Variants in MNAT1 observed in about 807,000 individuals in gnomAD.
The protein encoded by MNAT1 is CDK-activating kinase assembly factor MAT1.
MNAT1 carries 43 observed loss-of-function variants against 42.0 expected under a neutral mutation model. The observed-to-expected ratio is 1.02, with a 90% confidence interval of 0.80 to 1.32. MNAT1 has a LOEUF of 1.32. Ranked by LOEUF, MNAT1 falls within the 40% of genes most tolerant of loss-of-function variation. MNAT1 has a pLI of 0.00. For missense variants in MNAT1, 306 were observed against 350.4 expected (o/e 0.87, Z 1.01); for synonymous variants, 118 against 120.0 (o/e 0.98, Z 0.11).
intron 7 of MNAT1, among the ~76,000 whole-genome samples, chr14:60,955,166 GTTCTT>G (rs2036461423): frequency 6.6e-6 from 1 of 152,068 alleles, no homozygotes; most frequent in African/African-American, 2.4e-5. Context: ...GACTGTAATA[GTTCTT>G]TTCTTTAATA....
At chr14:60,912,976 A>C (rs2035412179) in intron 7 of MNAT1, among the ~76,000 whole-genome samples, 1 of 152,102 alleles carries the variant, frequency 6.6e-6, no homozygotes, top group Admixed American at 6.6e-5. Flanking sequence ...TTAGATGTAC[A>C]TTTGGTCTTT....
intron 7 of MNAT1, among the ~76,000 whole-genome samples, chr14:60,957,416 A>G (rs2036505808): frequency 6.6e-6 from 1 of 152,196 alleles, no homozygotes; most frequent in African/African-American, 2.4e-5. Context: ...CTTACATGGC[A>G]GAAGGCAAGA....
chr14:60,847,021 G>C (rs1395950139), intron 6 of MNAT1, among the ~76,000 whole-genome samples: 3 of 151,876 alleles, frequency 2.0e-5, no homozygotes, highest in African/African-American at 7.3e-5. Flanking sequence ...GACTCCTTTT[G>C]TATGTTTATA....
chr14:60,888,352 T>A (rs1181768273), intron 7 of MNAT1, among the ~76,000 whole-genome samples: 1 of 152,028 alleles, frequency 6.6e-6, no homozygotes, highest in Non-Finnish European at 1.5e-5. Flanking sequence ...AAAAACCACA[T>A]GATTATCTCA....
chr14:60,769,301 A>T (rs942114978), intron 1 of MNAT1, among the ~76,000 whole-genome samples: 2 of 148,080 alleles, frequency 1.4e-5, no homozygotes, highest in Non-Finnish European at 3.0e-5. Context: ...TTGAAACAGG[A>T]TCTTGCTGTT....
At chr14:60,774,186 G>T (rs1478554131) in intron 1 of MNAT1, among the ~76,000 whole-genome samples, 1 of 152,178 alleles carries the variant, frequency 6.6e-6, no homozygotes, top group East Asian at 1.9e-4. Flanking sequence ...AGACTTAGGA[G>T]TAGGGATAAT....
chr14:60,959,473 C>A lies in MNAT1; in HGVS notation c.810-8756C>A, dbSNP rs1594912430. Among the ~76,000 whole-genome samples the A allele has an allele frequency of 2.6e-5, 4 of 152,284 alleles. No homozygotes were observed. The South Asian group carries it at 8.3e-4, about 32-fold the overall frequency. ...CTGGTTGCTGATTTCTCAGGCAGTA[C>A]CCTGAAAGTCTGGGGAAGCTGCTCT... On this transcript the variant is annotated intron_variant, in intron 7 of 7. Transcript: ENST00000261245.
chr14:60,944,623 C>T (rs1322079348), intron 7 of MNAT1, among the ~76,000 whole-genome samples: 1 of 152,104 alleles, frequency 6.6e-6, no homozygotes, highest in African/African-American at 2.4e-5. Flanking sequence ...TAAATCCTAC[C>T]CCCATAGTAC....
At chr14:60,791,158 A>G (rs561505850) in intron 1 of MNAT1, among the ~76,000 whole-genome samples, 129 of 152,250 alleles carry the variant, frequency 8.5e-4, no homozygotes, top group Non-Finnish European at 1.6e-3. Context: ...TAAATATACT[A>G]TTTGAATTTG....
chr14:60,852,375 G>GT (rs946289596), intron 6 of MNAT1, among the ~76,000 whole-genome samples: 19 of 151,740 alleles, frequency 1.3e-4, no homozygotes, highest in East Asian at 3.9e-4. Context: ...TTTTGATGGG[G>GT]TTTTTTTTGT....
chr14:60,944,207 C>A (rs540951422), intron 7 of MNAT1, among the ~76,000 whole-genome samples: 177 of 152,286 alleles, frequency 1.2e-3, no homozygotes, highest in Non-Finnish European at 1.7e-3. Flanking sequence ...GACTCTTACC[C>A]TGAAGAAAAT....
At chr14:60,908,966 A>G (rs2035280354) in intron 7 of MNAT1, among the ~76,000 whole-genome samples, 1 of 152,158 alleles carries the variant, frequency 6.6e-6, no homozygotes, top group South Asian at 2.1e-4. Flanking sequence ...CTATTTCTCC[A>G]TATCCTCTCC....
intron 7 of MNAT1, among the ~76,000 whole-genome samples, chr14:60,967,397 A>G (rs2036701285): frequency 6.6e-6 from 1 of 152,238 alleles, no homozygotes; most frequent in Admixed American, 6.5e-5. Flanking sequence ...TCCTGAAGAA[A>G]CAAGTTAGTT....
At chr14:60,819,525 G>A (rs532058342) in intron 6 of MNAT1, among the ~76,000 whole-genome samples, 5 of 152,068 alleles carry the variant, frequency 3.3e-5, no homozygotes, top group African/African-American at 1.2e-4. Context: ...AGTCTCATTA[G>A]AGTAGTATAA....
chr14:60,767,799 T>C (rs1204894980), intron 1 of MNAT1, among the ~76,000 whole-genome samples: 1 of 151,684 alleles, frequency 6.6e-6, no homozygotes, highest in Non-Finnish European at 1.5e-5. Flanking sequence ...GGAGTCTCAC[T>C]CTGTCGCCAG....
intron 7 of MNAT1, among the ~76,000 whole-genome samples, chr14:60,884,693 T>C (rs2034623329): frequency 6.6e-6 from 1 of 152,124 alleles, no homozygotes; most frequent in African/African-American, 2.4e-5. Flanking sequence ...GTTTAATTGA[T>C]TTATCTTTTA....
intron 6 of MNAT1, among the ~76,000 whole-genome samples, chr14:60,820,031 C>T (rs558197793): frequency 2.0e-5 from 3 of 152,104 alleles, no homozygotes; most frequent in East Asian, 3.9e-4. Flanking sequence ...CATTTTTATA[C>T]ATAGTTTTAA....
intron 7 of MNAT1, among the ~76,000 whole-genome samples, chr14:60,938,543 A>G (rs145469586): frequency 8.5e-5 from 13 of 152,192 alleles, no homozygotes; most frequent in African/African-American, 2.9e-4. Flanking sequence ...TGATTTGTGT[A>G]TGTTGAACCA....
chr14:60,911,132 C>G (rs2035346667), intron 7 of MNAT1, among the ~76,000 whole-genome samples: 1 of 152,140 alleles, frequency 6.6e-6, no homozygotes, highest in South Asian at 2.1e-4. Context: ...ATAGTATTCT[C>G]TGATGGTAGT....
Sources: gnomAD v4.1 joint callset for allele counts (sites outside exome capture counted in the v4.1 genomes callset) on GRCh38, gnomAD v4.1.1 for gene constraint, MANE v1.5 for transcripts, NCBI Gene and HGNC (gene_info 2026-07-23, HGNC 2026-07-21) for gene names.